The following RC3H2 variants were observed in gnomAD, a reference collection of about 807,000 sequenced individuals.
RC3H2 encodes the protein roquin-2.
Under a neutral mutation model 133.3 loss-of-function variants are expected in RC3H2, and 31 were observed. The observed-to-expected ratio is 0.23, with a 90% confidence interval of 0.17 to 0.31. The LOEUF is 0.31. RC3H2 is among the 10% of genes least tolerant of loss of function. The pLI is 1.00. For synonymous variants in RC3H2, 517 were observed against 502.2 expected (o/e 1.03, Z -0.40); for missense variants, 1,175 against 1,437.2 (o/e 0.82, Z 2.95).
intron 4 of RC3H2, 52 bp from the exon 5 acceptor site, chr9:122,883,431 T>A (rs1029741641): frequency 7.0e-7 from 1 of 1,421,136 alleles, no homozygotes; most frequent in Admixed American, 2.4e-5. Context: ...ACCCATCAGA[T>A]CATGTGTGTC....
At chr9:122,867,131 C>T (rs1273983915) in intron 9 of RC3H2, among the ~76,000 whole-genome samples, 6 of 130,238 alleles carry the variant, frequency 4.6e-5, no homozygotes, top group African/African-American at 1.8e-4. Flanking sequence ...GCCCGGCAAC[C>T]GCCCCGTCTG....
intron 2 of RC3H2, 118 bp downstream of exon 2, chr9:122,897,161 G>T: frequency 1.3e-6 from 1 of 776,996 alleles, no homozygotes; most frequent in Non-Finnish European, 2.1e-6. Flanking sequence ...TTTGTGTTGG[G>T]CCGCATTCAA....
At chr9:122,881,814 T>C (rs1831648384) in intron 5 of RC3H2, among the ~76,000 whole-genome samples, 1 of 152,182 alleles carries the variant, frequency 6.6e-6, no homozygotes, top group Non-Finnish European at 1.5e-5. Context: ...TATAAACCAC[T>C]GCACAGAGCT....
intron 8 of RC3H2, among the ~76,000 whole-genome samples, chr9:122,878,870 G>A (rs960182073): frequency 5.0e-4 from 75 of 150,648 alleles, no homozygotes; most frequent in Non-Finnish European, 9.7e-4. Flanking sequence ...TGACTCAGCC[G>A]TCTCAGTAGT....
rs1375913571 is a variant in RC3H2 at position 122,880,068 on chromosome 9, G to A, written c.1018C>T (p.Arg340Ter). 2 of 1,613,892 alleles carry A rather than the reference G, an allele frequency of 1.2e-6. No homozygotes were observed. Among genetic ancestry groups the A allele is most frequent in the African/African-American group, 1.3e-5 (1 of 74,900 alleles). The change falls in exon 7 of 21, where the codon CGA becomes TGA. Residue 340 changes from arginine to a stop codon, truncating the protein, a stop_gained. Coordinates refer to ENST00000357244, the MANE Select transcript of RC3H2 (RefSeq NM_001100588.3). LOFTEE classifies it high-confidence loss of function. ...TTTAAGTTAGCTGGGTCACCTGTTC[G>A]TTGCAAAACAATTGTCAATTCCTGG... Reference protein sequence around the residue: ...SVQELTIVLQRTGDPANLNRL... With the variant: ...SVQELTIVLQ
At chr9:122,860,405 CTTTT>C (rs3049159) in intron 10 of RC3H2, among the ~76,000 whole-genome samples, 27 of 99,926 alleles carry the variant, frequency 2.7e-4, no homozygotes, top group Non-Finnish European at 3.5e-4. Context: ...TTTACCCATT[CTTTT>C]TTTTTTTTTT....
chr9:122,890,187 C>T (rs1832103170), intron 4 of RC3H2, 125 bp downstream of exon 4: 2 of 733,762 alleles, frequency 2.7e-6, no homozygotes, highest in Admixed American at 4.9e-5. Context: ...ACAAATTTAT[C>T]TTTAATTATA....
chr9:122,883,250 C>T lies in RC3H2; in HGVS notation c.713G>A (p.Ser238Asn). 6.2e-7 allele frequency: 1 copy of T among 1,613,610 alleles called. No homozygotes were observed. Among genetic ancestry groups the T allele is most frequent in the Non-Finnish European group, 8.5e-7 (1 of 1,179,876 alleles). The change falls in exon 5 of 21, where the codon AGT (serine) becomes AAT (asparagine). Residue 238 changes from serine to asparagine, a missense_variant. Transcript: ENST00000357244. The part of the protein sequence containing the change: ...EPRFPQASKT[S>N]IGHVVQLLYR... ...CAGTAGTTGCACAACATGACCAATA[C>T]TTGTTTTTGATGCCTGAGGAAATCT...
intron 4 of RC3H2, among the ~76,000 whole-genome samples, chr9:122,888,095 A>G (rs56240814): frequency 0.019 from 2,830 of 152,240 alleles, 37 homozygotes; most frequent in Middle Eastern, 0.034. Context: ...TGGCATTAAC[A>G]TAATTATTTG....
intron 9 of RC3H2, among the ~76,000 whole-genome samples, chr9:122,876,805 A>C (rs929529509): frequency 1.3e-5 from 2 of 152,154 alleles, no homozygotes; most frequent in African/African-American, 4.8e-5. Context: ...GACATAGAAA[A>C]AGGGGTTAAC....
Position 122,865,424 on chromosome 9 carries a change from G to A in RC3H2, c.1559C>T (p.Thr520Ile). Residue 520 changes from threonine (T) to isoleucine (I), a missense_variant, in exon 10 of 21, where the codon ACC (threonine) becomes ATC (isoleucine). By Grantham distance (89) the Thr-to-Ile change is moderately conservative. This residue lies in a region of RC3H2 where 490 missense variants were observed against 492.8 expected (regional missense o/e 0.99). Coordinates refer to ENST00000357244, the MANE Select transcript of RC3H2 (RefSeq NM_001100588.3). ...GCCAACCTTTCCCACTTTCTTCACG[G>A]TCTCCAGAGCTCTTAAGGTACTGTC... ...STDSTLRALE[T>I]VKKVGKVGAN... is the part of the protein sequence containing the mutation. The A allele has an allele frequency of 6.2e-7, 1 of 1,614,184 alleles. No homozygotes were observed. The highest frequency in any genetic ancestry group is 1.3e-5 in the African/African-American group (1 of 75,044).
chr9:122,869,523 A>G (rs1295410927), intron 9 of RC3H2, among the ~76,000 whole-genome samples: 1 of 151,730 alleles, frequency 6.6e-6, no homozygotes, highest in Non-Finnish European at 1.5e-5. Context: ...GTGAAGTAAC[A>G]GAATATTAAA....
At chr9:122,854,841 C>CA (rs767870927) in intron 15 of RC3H2, among the ~76,000 whole-genome samples, 5 of 152,132 alleles carry the variant, frequency 3.3e-5, no homozygotes, top group Admixed American at 1.3e-4. Flanking sequence ...CAGTGGCTCA[C>CA]ATATGTAATC....
chr9:122,854,740 T>C, intron 15 of RC3H2, 125 bp from the exon 16 acceptor site: 1 of 676,756 alleles, frequency 1.5e-6, no homozygotes, highest in Non-Finnish European at 2.7e-6. Context: ...GTTAAACACC[T>C]AATTCTGAGT....
Position 122,877,463 on chromosome 9 carries a change from AC to A in RC3H2, c.1325+7del, listed in dbSNP as rs933744461. On this transcript the variant is annotated splice_region_variant and intron_variant, in intron 9 of 20. Transcript: ENST00000357244. ...AAACCCATATGAAACAGAATTCTCAACACTTACTTTTCAAGCTCTTCCTGAG... is the reference window on the plus strand; with the variant it reads ...AAACCCATATGAAACAGAATTCTCAAACTTACTTTTCAAGCTCTTCCTGAG... 1.9e-6 allele frequency: 3 copies of A among 1,604,668 alleles called. No homozygotes were observed. In the African/African-American group the frequency reaches 4.0e-5, roughly 21 times the overall value.
chr9:122,888,102 T>C (rs1233619171), intron 4 of RC3H2, among the ~76,000 whole-genome samples: 1 of 152,162 alleles, frequency 6.6e-6, no homozygotes, highest in African/African-American at 2.4e-5. Flanking sequence ...AACATAATTA[T>C]TTGCTTGCTT....
rs1830213217 is a variant in RC3H2 at position 122,855,623 on chromosome 9, G to A, written c.2601+109C>T. 3 of 1,275,222 alleles carry A rather than the reference G, an allele frequency of 2.4e-6. No individual in the cohort carries two copies. The African/African-American group carries it at 4.5e-5, about 19-fold the overall frequency. 79.0% of individuals were successfully genotyped at this position (1,275,222 alleles called of 1,614,324 possible). A position where few individuals can be genotyped will look rare whatever the true frequency, so the allele number is the denominator to read the frequency against. On this transcript the variant is annotated intron_variant, in intron 14 of 20. Transcript: ENST00000357244. ...CTAAATATAACCCTGCTGCTACTGA[G>A]TTATAAGGCAACAATATGAATGAAT...
At chr9:122,862,634 C>A (rs985400508) in intron 10 of RC3H2, among the ~76,000 whole-genome samples, 1 of 152,180 alleles carries the variant, frequency 6.6e-6, no homozygotes, top group Non-Finnish European at 1.5e-5. Context: ...GTGGCTCACA[C>A]CTGTAATCCC....
At chr9:122,887,683 C>A (rs1045615688) in intron 4 of RC3H2, among the ~76,000 whole-genome samples, 2 of 151,688 alleles carry the variant, frequency 1.3e-5, no homozygotes, top group Non-Finnish European at 2.9e-5. Flanking sequence ...ACTAATATTG[C>A]CAATTCAAAT....
Sources: gnomAD v4.1 joint callset for allele counts (sites outside exome capture counted in the v4.1 genomes callset) on GRCh38, gnomAD v4.1.1 for gene constraint, gnomAD v4.1.1 regional missense constraint, MANE v1.5 for transcripts, NCBI Gene and HGNC (gene_info 2026-07-23, HGNC 2026-07-21) for gene names.